The following MACF1 variants were observed in gnomAD, a reference collection of about 807,000 sequenced individuals.
MACF1 encodes microtubule-actin cross-linking factor 1.
In MACF1, 193 loss-of-function variants were observed where a neutral mutation model predicts 854.8. The ratio of observed to expected loss-of-function variants is 0.23; its 90% CI spans 0.20 to 0.25. The LOEUF is 0.25. Among genes scored for constraint, MACF1 ranks in the 10% least tolerant of loss-of-function variants. The pLI, the probability that MACF1 is intolerant of heterozygous loss-of-function variation, is 1.00. For missense variants in MACF1, 7,722 were observed against 8,929.1 expected (o/e 0.86, Z 5.45); for synonymous variants, 3,185 against 3,226.7 (o/e 0.99, Z 0.44).
intron 90 of MACF1, chr1:39,458,758 A>G (rs955935909): frequency 4.1e-5 from 21 of 512,146 alleles, no homozygotes; most frequent in Non-Finnish European, 6.8e-5. Flanking sequence ...TATCAGCCCT[A>G]GCTGTTTACA....
intron 1 of MACF1, among the ~76,000 whole-genome samples, chr1:39,212,804 T>C (rs1029738197): frequency 5.3e-5 from 8 of 152,270 alleles, no homozygotes; most frequent in African/African-American, 1.7e-4. Context: ...TGTATTTTTT[T>C]AGTAGAGGTG....
At chr1:39,185,119 A>G (rs547357639) in intron 2 of MACF1, among the ~76,000 whole-genome samples, 7 of 151,406 alleles carry the variant, frequency 4.6e-5, no homozygotes, top group Non-Finnish European at 7.4e-5. Flanking sequence ...GTGAAACCCC[A>G]TCTCTACTAA....
chr1:39,431,650 G>A (rs2148652024), intron 66 of MACF1, among the ~76,000 whole-genome samples: 1 of 152,054 alleles, frequency 6.6e-6, no homozygotes, highest in East Asian at 1.9e-4. Context: ...AGTGTATATT[G>A]GCCAAGTTGA....
chr1:39,422,233 A>C (rs780775097), intron 58 of MACF1, 141 bp from the exon 59 acceptor site: 1 of 597,272 alleles, frequency 1.7e-6, no homozygotes, highest in Non-Finnish European at 2.9e-6. Context: ...TTGATGCTTC[A>C]CGTGCAAATG....
chr1:39,421,433 C>A (rs1265783674), intron 58 of MACF1, among the ~76,000 whole-genome samples: 1 of 152,132 alleles, frequency 6.6e-6, no homozygotes, highest in Admixed American at 6.5e-5. Context: ...ACGTTACTGG[C>A]CCATTTCCCT....
chr1:39,203,677 T>C (rs1032272008), upstream of MACF1, among the ~76,000 whole-genome samples: 2 of 152,240 alleles, frequency 1.3e-5, no homozygotes, highest in Admixed American at 6.5e-5. Context: ...TAGAAAGTTA[T>C]ATAAATGGAA....
chr1:39,331,299 G>T lies in MACF1; in HGVS notation c.4711G>T (p.Gly1571Cys). 3.7e-6 allele frequency: 6 copies of T among 1,612,612 alleles called. No homozygotes were observed. The highest frequency in any genetic ancestry group is 5.1e-6 in the Non-Finnish European group (6 of 1,179,876). ...AAAGGGCCTCCTTGACCAAGACACA[G>T]GCCTAGTGCTTCTGGAATCTCAGGT... ...MQKGLLDQDT[G>C]LVLLESQVIM... The change falls in exon 37 of 101, where the codon GGC (glycine) becomes TGC (cysteine). Residue 1571 changes from glycine (G) to cysteine (C), a missense_variant. Transcript: ENST00000564288.
rs191338019 is a variant in MACF1 at position 39,331,085 on chromosome 1, C to T, written c.4615-118C>T. On this transcript the variant is annotated intron_variant, in intron 36 of 100. Transcript: ENST00000564288. Reference sequence around the variant, plus strand: ...ATAGGCGTGAGCCACTGTGCCTGGCCTGTATACTATAGTTCTTTGAATGAC... The same window carrying T: ...ATAGGCGTGAGCCACTGTGCCTGGCTTGTATACTATAGTTCTTTGAATGAC... The T allele has an allele frequency of 1.2e-5, 17 of 1,377,904 alleles. No homozygotes were observed. The African/African-American group carries it at 2.4e-4, about 19-fold the overall frequency. The allele number at this position is 1,377,904 out of a possible 1,614,324, so 85.4% of individuals were successfully genotyped here.
chr1:39,420,748 T>C (rs956465800), intron 58 of MACF1, among the ~76,000 whole-genome samples: 6 of 152,186 alleles, frequency 3.9e-5, no homozygotes, highest in African/African-American at 1.4e-4. Flanking sequence ...TTCCATTTTC[T>C]GTCATCCTCT....
intron 2 of MACF1, among the ~76,000 whole-genome samples, chr1:39,119,626 G>A (rs1055522748): frequency 4.0e-5 from 6 of 151,896 alleles, no homozygotes; most frequent in Non-Finnish European, 7.4e-5. Flanking sequence ...TTCTTTCCAC[G>A]TGGTTGTCCC....
At chr1:39,152,955 C>T (rs1469154874) in intron 2 of MACF1, among the ~76,000 whole-genome samples, 1 of 152,090 alleles carries the variant, frequency 6.6e-6, no homozygotes, top group Non-Finnish European at 1.5e-5. Context: ...CACTTTTCTT[C>T]CACTAGGTTT....
intron 2 of MACF1, among the ~76,000 whole-genome samples, chr1:39,088,977 T>A (rs1641741396): frequency 6.6e-6 from 1 of 152,242 alleles, no homozygotes. Flanking sequence ...TTCATTCATC[T>A]AACATCACAT....
At position 39,353,082 on chromosome 1, in the gene MACF1, T is replaced by C; in HGVS notation, c.11275T>C (p.Ser3759Pro). The C allele has an allele frequency of 6.2e-7, 1 of 1,614,038 alleles. No homozygotes were observed. The highest frequency in any genetic ancestry group is 8.5e-7 in the Non-Finnish European group (1 of 1,180,008). ...CCTGGATTGGGTAACTTCAGTAGGA[T>C]CATCTGGTGGACAGCTGCTGACCAA... is the stretch of plus-strand genomic sequence containing the variant. ...ALLDWVTSVG[S>P]SGGQLLTNLP... Residue 3759 changes from serine to proline, a missense_variant, in exon 44 of 101, where the codon TCA (serine) becomes CCA (proline). Transcript: ENST00000564288.
chr1:39,409,724 C>A lies in MACF1; in HGVS notation c.15817-12650C>A, dbSNP rs1001638483. The A allele has an allele frequency of 4.6e-5, 7 of 152,500 alleles. No individual in the cohort carries two copies. The highest frequency in any genetic ancestry group is 1.7e-4 in the African/African-American group (7 of 41,460). 9.4% of individuals were successfully genotyped at this position (152,500 alleles called of 1,614,324 possible). A position where few individuals can be genotyped will look rare whatever the true frequency, so the allele number is the denominator to read the frequency against. On this transcript the variant is annotated intron_variant, in intron 58 of 100. Transcript: ENST00000564288. This position sits in a 1 kb window ranked among gnomAD's most constrained non-coding sequence, Gnocchi z 4.2. Reference sequence around the variant, plus strand: ...GACCAGCCCAGTTCAAATGCAAACACCCCAGCTAGGGAGGACGAATGGCTA... The same window carrying A: ...GACCAGCCCAGTTCAAATGCAAACAACCCAGCTAGGGAGGACGAATGGCTA...
At chr1:39,100,879 TTAAA>T (rs1308654050) in intron 2 of MACF1, among the ~76,000 whole-genome samples, 10 of 151,782 alleles carry the variant, frequency 6.6e-5, no homozygotes, top group East Asian at 3.9e-4. Flanking sequence ...TTAAATTAAA[TTAAA>T]TAAAGTAAAC....
At chr1:39,438,498 G>T (rs1393798833) in intron 71 of MACF1, among the ~76,000 whole-genome samples, 2 of 152,196 alleles carry the variant, frequency 1.3e-5, no homozygotes, top group Non-Finnish European at 2.9e-5. Flanking sequence ...TAAATAATAG[G>T]CCGGAGCCAC....
intron 48 of MACF1, 112 bp from the exon 49 acceptor site, chr1:39,361,248 T>C (rs1648162774): frequency 9.5e-7 from 1 of 1,049,752 alleles, no homozygotes; most frequent in Admixed American, 2.5e-5. Context: ...TTCTGGAGGC[T>C]CGGTTGCAGT....
rs952217298 is a variant in MACF1, at chr1:39,434,699, A to G, written c.17784+67A>G. ...TCTCTATAATTTATTTAAAAACAAC[A>G]TTTGTTAGTGTCTATAGGTGCAAGT... On this transcript the variant is annotated intron_variant, in intron 69 of 100. Transcript: ENST00000564288. 2.0e-5 allele frequency: 28 copies of G among 1,413,308 alleles called. No individual in the cohort carries two copies. The South Asian group carries it at 2.6e-4, about 13-fold the overall frequency. The allele number at this position is 1,413,308 out of a possible 1,614,324, so 87.5% of individuals were successfully genotyped here. A position where few individuals can be genotyped will look rare whatever the true frequency, so the allele number is the denominator to read the frequency against.
chr1:39,334,487 C>T lies in MACF1; in HGVS notation c.7899C>T (p.Val2633=). 6.2e-7 allele frequency: 1 copy of T among 1,613,958 alleles called. No individual in the cohort carries two copies. The highest frequency in any genetic ancestry group is 8.5e-7 in the Non-Finnish European group (1 of 1,179,974). ...GAATTGTCCCCTACTCAGAATTAGT[C>T]AAGAAATGTAAGATTGATATTGAAT... is the stretch of plus-strand genomic sequence containing the variant. ...NCRIVPYSEL[V]KKCKIDIESG... The change falls in exon 37 of 101, where the codon GTC becomes GTT. Residue 2633 remains valine (V), a synonymous_variant. Coordinates refer to ENST00000564288, the MANE Select transcript of MACF1 (RefSeq NM_001394062.1).
Sources: allele counts gnomAD v4.1 joint callset (sites outside exome capture counted in the v4.1 genomes callset), GRCh38; gene constraint gnomAD v4.1.1; non-coding constraint Gnocchi (gnomAD v3.1); transcripts MANE v1.5; gene names NCBI Gene and HGNC (gene_info 2026-07-23, HGNC 2026-07-21).